The following DPYD variants were observed in gnomAD, a reference collection of about 807,000 sequenced individuals.
DPYD encodes the protein dihydropyrimidine dehydrogenase, also known as dihydropyrimidine dehydrogenase [NADP(+)].
Under a neutral mutation model 116.2 loss-of-function variants are expected in DPYD, and 109 were observed. The observed-to-expected ratio is 0.94, with a 90% confidence interval of 0.80 to 1.10. The LOEUF (loss-of-function observed/expected upper bound fraction) is 1.10, where lower values mean the gene tolerates loss of function less well. Among genes scored for constraint, DPYD ranks in the 50% least tolerant of loss-of-function variants. The pLI, the probability that DPYD is intolerant of heterozygous loss-of-function variation, is 0.00. For synonymous variants in DPYD, 440 were observed against 432.0 expected (o/e 1.02, Z -0.23); for missense variants, 1,302 against 1,254.5 (o/e 1.04, Z -0.57).
chr1:97,377,115 A>G (rs1671679781), intron 15 of DPYD, among the ~76,000 whole-genome samples: 1 of 151,982 alleles, frequency 6.6e-6, no homozygotes, highest in African/African-American at 2.4e-5. Flanking sequence ...TAAGTCACAG[A>G]GTTGTTGTTG....
At chr1:97,222,061 T>C (rs951278953) in intron 19 of DPYD, among the ~76,000 whole-genome samples, 4 of 152,062 alleles carry the variant, frequency 2.6e-5, no homozygotes, top group Non-Finnish European at 5.9e-5. Context: ...ATATACAATG[T>C]TTAGAAAGTA....
At chr1:97,419,321 C>T (rs1260966295) in intron 14 of DPYD, among the ~76,000 whole-genome samples, 2 of 152,048 alleles carry the variant, frequency 1.3e-5, no homozygotes, top group South Asian at 4.1e-4. Flanking sequence ...CTGGTAATTC[C>T]AACTCCTATA....
intron 4 of DPYD, among the ~76,000 whole-genome samples, chr1:97,739,959 C>T (rs1423469968): frequency 1.3e-5 from 2 of 152,022 alleles, no homozygotes; most frequent in Admixed American, 1.3e-4. Flanking sequence ...AAGTCTTAAA[C>T]ATATTAACTG....
At chr1:97,183,229 T>C (rs528395543) in intron 20 of DPYD, among the ~76,000 whole-genome samples, 16 of 152,146 alleles carry the variant, frequency 1.1e-4, no homozygotes, top group Non-Finnish European at 2.9e-5. Flanking sequence ...GAAAGTCTTA[T>C]AGTCTTACCT....
At chr1:97,193,676 G>A (rs1256866239) in intron 19 of DPYD, among the ~76,000 whole-genome samples, 1 of 152,096 alleles carries the variant, frequency 6.6e-6, no homozygotes, top group African/African-American at 2.4e-5. Context: ...AGGTTGGAGT[G>A]CTGTTTATTA....
intron 3 of DPYD, among the ~76,000 whole-genome samples, chr1:97,810,380 T>C (rs536674801): frequency 5.6e-4 from 85 of 151,062 alleles, no homozygotes; most frequent in African/African-American, 2.1e-3. Context: ...GAAAACAGCA[T>C]CATGTGTTAA....
At chr1:97,478,180 C>T (rs1213274080) in intron 13 of DPYD, among the ~76,000 whole-genome samples, 1 of 152,182 alleles carries the variant, frequency 6.6e-6, no homozygotes, top group African/African-American at 2.4e-5. Flanking sequence ...CAACCTTAGG[C>T]TTAAAATGTT....
intron 20 of DPYD, among the ~76,000 whole-genome samples, chr1:97,171,890 A>G (rs1365422208): frequency 6.6e-6 from 1 of 152,196 alleles, no homozygotes; most frequent in African/African-American, 2.4e-5. Flanking sequence ...GGTGCAGTTT[A>G]TAGGCATCAC....
chr1:97,486,471 T>G (rs1262557255), intron 13 of DPYD, among the ~76,000 whole-genome samples: 1 of 152,118 alleles, frequency 6.6e-6, no homozygotes, highest in Admixed American at 6.5e-5. Context: ...ATACAGAACT[T>G]AAGCCATGGA....
intron 16 of DPYD, among the ~76,000 whole-genome samples, chr1:97,342,882 T>A (rs1669652264): frequency 6.6e-6 from 1 of 152,106 alleles, no homozygotes; most frequent in Non-Finnish European, 1.5e-5. Flanking sequence ...CCACTTACCA[T>A]CACCACCACT....
chr1:97,750,334 A>T (rs1030055924), intron 3 of DPYD, among the ~76,000 whole-genome samples: 1 of 152,148 alleles, frequency 6.6e-6, no homozygotes, highest in Non-Finnish European at 1.5e-5. Flanking sequence ...AAATCCATAA[A>T]TAAAATAGGT....
intron 13 of DPYD, among the ~76,000 whole-genome samples, chr1:97,492,590 T>A (rs1679033715): frequency 6.6e-6 from 1 of 152,176 alleles, no homozygotes; most frequent in Admixed American, 6.6e-5. Context: ...AATGCTTTTG[T>A]TTCTAAATGA....
chr1:97,663,630 C>T (rs1351403321), intron 8 of DPYD, among the ~76,000 whole-genome samples: 1 of 152,158 alleles, frequency 6.6e-6, no homozygotes, highest in Non-Finnish European at 1.5e-5. Flanking sequence ...TAATCTCTTA[C>T]CTCTCACATC....
At chr1:97,720,939 C>G in intron 5 of DPYD, 1 of 1,603,002 alleles carries the variant, frequency 6.2e-7, no homozygotes, top group Non-Finnish European at 8.5e-7. Flanking sequence ...ATGGGATAAA[C>G]AGAAAAAAAA....
intron 2 of DPYD, chr1:97,855,679 C>A (rs780174631): frequency 6.6e-6 from 1 of 152,156 alleles, no homozygotes; most frequent in African/African-American, 2.4e-5. Context: ...ACACAATTCA[C>A]GTAGCTGCAA....
chr1:97,317,681 T>C, intron 16 of DPYD, among the ~76,000 whole-genome samples: 1 of 151,982 alleles, frequency 6.6e-6, no homozygotes, highest in Non-Finnish European at 1.5e-5. Context: ...TTGAAGTGAA[T>C]GATTAACCAA....
At chr1:97,540,377 CAAAACAAAACAA>C (rs1353032818) in intron 12 of DPYD, among the ~76,000 whole-genome samples, 1 of 150,412 alleles carries the variant, frequency 6.6e-6, no homozygotes, top group Non-Finnish European at 1.5e-5. Flanking sequence ...CAAAACAAAA[CAAAACAAAACAA>C]AACAAAAACC....
At chr1:97,360,983 A>G (rs1334625784) in intron 16 of DPYD, among the ~76,000 whole-genome samples, 1 of 152,200 alleles carries the variant, frequency 6.6e-6, no homozygotes, top group Non-Finnish European at 1.5e-5. Context: ...ATAGAGACAC[A>G]AAATATCCTT....
At chr1:97,679,702 G>A (rs111356707) in intron 7 of DPYD, among the ~76,000 whole-genome samples, 6 of 152,130 alleles carry the variant, frequency 3.9e-5, no homozygotes, top group African/African-American at 1.4e-4. Flanking sequence ...TTTTGATAAC[G>A]GACAGTGTCA....
Sources: gnomAD v4.1 joint callset for allele counts (sites outside exome capture counted in the v4.1 genomes callset) on GRCh38, gnomAD v4.1.1 for gene constraint, MANE v1.5 for transcripts, NCBI Gene and HGNC (gene_info 2026-07-23, HGNC 2026-07-21) for gene names.